Variants in CCDC102B observed in about 807,000 individuals in gnomAD.
The protein encoded by CCDC102B is coiled-coil domain-containing protein 102B.
CCDC102B carries 75 observed loss-of-function variants against 57.4 expected under a neutral mutation model. That is an observed-to-expected ratio of 1.31 (90% CI 1.08 to 1.58). CCDC102B has a LOEUF of 1.58. CCDC102B is among the 40% of genes most tolerant of loss of function. The pLI is 0.00. For synonymous variants in CCDC102B, 206 were observed against 201.9 expected (o/e 1.02, Z -0.17); for missense variants, 636 against 582.6 (o/e 1.09, Z -0.94).
At chr18:68,885,281 T>C (rs767094949) in intron 5 of CCDC102B, among the ~76,000 whole-genome samples, 20 of 152,024 alleles carry the variant, frequency 1.3e-4, no homozygotes, top group Non-Finnish European at 2.8e-4. Context: ...TTAACATTAA[T>C]TTAGCAATTA....
At chr18:68,851,610 T>G (rs2038127901) in intron 4 of CCDC102B, among the ~76,000 whole-genome samples, 2 of 152,184 alleles carry the variant, frequency 1.3e-5, no homozygotes, top group African/African-American at 4.8e-5. Flanking sequence ...AAGACTATTA[T>G]AAGAATTATG....
At chr18:68,928,496 C>T (rs1352968712) in intron 6 of CCDC102B, among the ~76,000 whole-genome samples, 1 of 151,708 alleles carries the variant, frequency 6.6e-6, no homozygotes, top group African/African-American at 2.4e-5. Context: ...AGGAGGAGGA[C>T]GTGGCTACCT....
At chr18:68,881,284 C>T (rs1396296025) in intron 5 of CCDC102B, among the ~76,000 whole-genome samples, 1 of 152,178 alleles carries the variant, frequency 6.6e-6, no homozygotes, top group African/African-American at 2.4e-5. Flanking sequence ...TTAAAATACT[C>T]TGTTCAGATT....
chr18:68,921,728 T>C (rs2041290302), intron 6 of CCDC102B, among the ~76,000 whole-genome samples: 3 of 152,134 alleles, frequency 2.0e-5, no homozygotes. Context: ...ATGGGGAGCG[T>C]AATCCTACAA....
chr18:68,845,109 A>G (rs1043642899), intron 3 of CCDC102B, among the ~76,000 whole-genome samples: 3 of 151,842 alleles, frequency 2.0e-5, no homozygotes, highest in African/African-American at 7.2e-5. Flanking sequence ...ATGTAAATAT[A>G]ATTATATAAC....
intron 2 of CCDC102B, among the ~76,000 whole-genome samples, chr18:68,757,234 T>C (rs1436871913): frequency 3.3e-5 from 5 of 152,188 alleles, no homozygotes; most frequent in Admixed American, 3.3e-4. Context: ...TGGTATTAGC[T>C]TGCATGAAGA....
chr18:68,722,706 T>C (rs1266870960), intron 2 of CCDC102B, among the ~76,000 whole-genome samples: 3 of 152,194 alleles, frequency 2.0e-5, no homozygotes, highest in South Asian at 2.1e-4. Flanking sequence ...AGATCTTTGA[T>C]GAAATTTTTC....
intron 6 of CCDC102B, among the ~76,000 whole-genome samples, chr18:69,002,158 A>G (rs753678430): frequency 6.6e-6 from 1 of 152,204 alleles, no homozygotes; most frequent in Non-Finnish European, 1.5e-5. Context: ...TATCAGCTTG[A>G]ACAAGCTGGG....
chr18:68,932,935 G>A (rs1334279693), intron 6 of CCDC102B, among the ~76,000 whole-genome samples: 1 of 151,774 alleles, frequency 6.6e-6, no homozygotes, highest in Non-Finnish European at 1.5e-5. Flanking sequence ...GACATCTTGA[G>A]AGCACTTTGT....
chr18:68,893,326 T>C (rs781520052), intron 5 of CCDC102B, among the ~76,000 whole-genome samples: 8 of 152,184 alleles, frequency 5.3e-5, no homozygotes, highest in Non-Finnish European at 1.2e-4. Flanking sequence ...GACTCATCTG[T>C]AGGTTATTTT....
intron 2 of CCDC102B, among the ~76,000 whole-genome samples, chr18:68,737,388 A>G (rs1379895786): frequency 6.6e-6 from 1 of 151,866 alleles, no homozygotes; most frequent in Non-Finnish European, 1.5e-5. Context: ...ACACTCTCTC[A>G]TACCCAAGAT....
chr18:68,957,026 T>C (rs1343201386), intron 6 of CCDC102B, among the ~76,000 whole-genome samples: 1 of 152,090 alleles, frequency 6.6e-6, no homozygotes, highest in Non-Finnish European at 1.5e-5. Flanking sequence ...TTTCTAGTTA[T>C]TGCTCCCTTG....
intron 1 of CCDC102B, among the ~76,000 whole-genome samples, chr18:68,807,037 T>C (rs573971884): frequency 1.3e-5 from 2 of 152,148 alleles, no homozygotes; most frequent in Non-Finnish European, 1.5e-5. Flanking sequence ...ATTTATCTCC[T>C]TGTTGAAAGG....
intron 2 of CCDC102B, among the ~76,000 whole-genome samples, chr18:68,718,420 A>G (rs1347165863): frequency 6.6e-6 from 1 of 152,198 alleles, no homozygotes; most frequent in Non-Finnish European, 1.5e-5. Context: ...AAACTAAAGA[A>G]AGGTACTACA....
At chr18:68,773,299 T>C (rs1181138722) in intron 2 of CCDC102B, among the ~76,000 whole-genome samples, 1 of 152,076 alleles carries the variant, frequency 6.6e-6, no homozygotes, top group African/African-American at 2.4e-5. Context: ...AATAGTAACA[T>C]GGCAGAGGAG....
intron 6 of CCDC102B, among the ~76,000 whole-genome samples, chr18:68,906,670 C>T (rs1250008971): frequency 6.6e-6 from 1 of 152,044 alleles, no homozygotes. Flanking sequence ...AACTCTTTGA[C>T]TAATTTTAAA....
rs376763944 is a variant in CCDC102B at position 68,790,225 on chromosome 18, G to C, written c.-66-33141G>C. On this transcript the variant is annotated intron_variant, in intron 2 of 3. Transcript: ENST00000578970. ...GCTGTGTGCTGGGAGAACCACTGCTGTCTTCAAAGCTGTCAGACTGGGACA... is the reference window on the plus strand; with the variant it reads ...GCTGTGTGCTGGGAGAACCACTGCTCTCTTCAAAGCTGTCAGACTGGGACA... Among the ~76,000 whole-genome samples, 321 of 151,744 alleles carry C rather than the reference G, an allele frequency of 2.1e-3. 2 individuals are homozygous for C. Among genetic ancestry groups the C allele is most frequent in the South Asian group, 0.015 (72 of 4,814 alleles).
intron 2 of CCDC102B, among the ~76,000 whole-genome samples, chr18:68,737,063 C>T (rs1022638291): frequency 7.9e-5 from 12 of 152,024 alleles, no homozygotes; most frequent in Middle Eastern, 3.4e-3. Flanking sequence ...CAGTTATTGG[C>T]TATACTCTGC....
chr18:68,826,244 C>T (rs1286787724), intron 1 of CCDC102B, among the ~76,000 whole-genome samples: 2 of 152,186 alleles, frequency 1.3e-5, no homozygotes, highest in Admixed American at 6.5e-5. Context: ...GCAGGGAAGG[C>T]GTCAGCCAGA....
Sources: gnomAD v4.1 joint callset for allele counts (sites outside exome capture counted in the v4.1 genomes callset) on GRCh38, gnomAD v4.1.1 for gene constraint, MANE v1.5 for transcripts, NCBI Gene and HGNC (gene_info 2026-07-23, HGNC 2026-07-21) for gene names.